Variants in FNDC3B observed in about 807,000 individuals in gnomAD.
FNDC3B encodes fibronectin type III domain-containing protein 3B.
FNDC3B carries 12 observed loss-of-function variants against 151.5 expected under a neutral mutation model. The observed-to-expected ratio is 0.08, with a 90% CI of 0.05 to 0.13. FNDC3B has a LOEUF of 0.13. Ranked by LOEUF, FNDC3B falls within the 10% of genes least tolerant of loss-of-function variation. The probability of loss-of-function intolerance (pLI) is 1.00; values close to 1 mark genes in which losing one functional copy is unlikely to be tolerated. For missense variants in FNDC3B, 1,214 were observed against 1,505.3 expected, an observed-to-expected ratio of 0.81 and a Z score of 3.20; for synonymous variants, 528 against 549.0, an observed-to-expected ratio of 0.96 and a Z score of 0.54.
chr3:172,084,499 A>ACACACACACACACACACACACG (rs1163344403), intron 1 of FNDC3B, among the ~76,000 whole-genome samples: 1 of 151,698 alleles, frequency 6.6e-6, no homozygotes, highest in African/African-American at 2.4e-5. Flanking sequence ...ACACACACAC[A>ACACACACACACACACACACACG]CGTATATTCT....
At chr3:172,274,528 GA>G (rs1003478175) in intron 6 of FNDC3B, among the ~76,000 whole-genome samples, 3 of 35,946 alleles carry the variant, frequency 8.3e-5, no homozygotes, top group African/African-American at 1.3e-4. Flanking sequence ...TAAAATCTCT[GA>G]TTTGCTGAAT....
intron 3 of FNDC3B, among the ~76,000 whole-genome samples, chr3:172,157,905 T>A (rs573862864): frequency 3.3e-5 from 5 of 152,308 alleles, no homozygotes; most frequent in African/African-American, 1.2e-4. Flanking sequence ...TCCAACGTGA[T>A]GGTATTAAGA....
At chr3:172,164,276 T>G (rs1313391838) in intron 3 of FNDC3B, among the ~76,000 whole-genome samples, 3 of 152,260 alleles carry the variant, frequency 2.0e-5, no homozygotes, top group Non-Finnish European at 2.9e-5. Context: ...ACCAACTTGA[T>G]ATGCTACAAG....
chr3:172,247,789 T>A lies in FNDC3B; in HGVS notation c.508+13T>A, dbSNP rs1214978185. 6.2e-7 allele frequency: 1 copy of A among 1,613,916 alleles called. No individual in the cohort carries two copies. The highest frequency in any genetic ancestry group is 8.5e-7 in the Non-Finnish European group (1 of 1,179,912). ...TATGGTGAGCAAGGTGAGTAGATTT[T>A]CGTTGGCGTCAGGAGCCGTTGAAAC... On this transcript the variant is annotated intron_variant, in intron 5 of 25. Coordinates refer to ENST00000415807, the MANE Select transcript of FNDC3B (RefSeq NM_022763.4).
intron 3 of FNDC3B, among the ~76,000 whole-genome samples, chr3:172,224,719 T>C (rs1265843696): frequency 2.7e-5 from 4 of 148,542 alleles, no homozygotes. Flanking sequence ...CCAAATAAAG[T>C]GTTGTATTTC....
intron 2 of FNDC3B, among the ~76,000 whole-genome samples, chr3:172,118,940 G>A (rs542764026): frequency 9.8e-4 from 149 of 151,752 alleles, no homozygotes; most frequent in Non-Finnish European, 1.4e-3. Context: ...AGGCTGAGGC[G>A]GGCGGATCAC....
chr3:172,150,022 T>C (rs1722140163), intron 3 of FNDC3B, among the ~76,000 whole-genome samples: 1 of 151,986 alleles, frequency 6.6e-6, no homozygotes, highest in South Asian at 2.1e-4. Flanking sequence ...TTTCACCATA[T>C]TGGCCAGGCT....
rs1392123440 is a variant in FNDC3B at position 172,040,278 on chromosome 3, C to CG, written c.-29+510dup. ...TTTCCATATGGTGGAGGGAAGAGGG[C>CG]GGGAGTGCGAAGTGGGGCTGGAAGT... On this transcript the variant is annotated intron_variant, in intron 1 of 25. Transcript: ENST00000415807. The surrounding 1 kb of genome is among the most constrained non-coding windows in gnomAD (Gnocchi z 6.6). Among the ~76,000 whole-genome samples the CG allele has an allele frequency of 6.6e-6, 1 of 151,572 alleles. No individual in the cohort carries two copies.
intron 3 of FNDC3B, among the ~76,000 whole-genome samples, chr3:172,190,067 G>A (rs556982042): frequency 3.3e-5 from 5 of 152,192 alleles, no homozygotes; most frequent in East Asian, 1.9e-4. Flanking sequence ...TAACCCAGGC[G>A]GCCTGCTTTC....
chr3:172,112,353 G>A (rs117143928), intron 1 of FNDC3B, 99 bp from the exon 2 acceptor site: 15 of 698,898 alleles, frequency 2.1e-5, no homozygotes, highest in East Asian at 1.6e-4. Context: ...AATAACTTGG[G>A]TTTCACGATG....
intron 4 of FNDC3B, among the ~76,000 whole-genome samples, chr3:172,242,918 C>T (rs1420160007): frequency 6.6e-6 from 1 of 152,176 alleles, no homozygotes; most frequent in African/African-American, 2.4e-5. Flanking sequence ...CCTTTAACAG[C>T]ACCCAGGTCA....
At position 172,117,030 on chromosome 3, in the gene FNDC3B, T is replaced by C. The variant is rs368071937; in HGVS notation, c.111+4440T>C. Among the ~76,000 whole-genome samples, 101 of 152,388 alleles carry C rather than the reference T, an allele frequency of 6.6e-4. 1 individual carries two copies. In the South Asian group the frequency reaches 0.02, roughly 30 times the overall value. On this transcript the variant is annotated intron_variant, in intron 2 of 25. Coordinates refer to ENST00000415807, the MANE Select transcript of FNDC3B (RefSeq NM_022763.4). ...TTCACTTTTTGGCTGTTATGAATAATGCTGCTATGCACAGATTCTTGTGTG... is the reference window on the plus strand; with the variant it reads ...TTCACTTTTTGGCTGTTATGAATAACGCTGCTATGCACAGATTCTTGTGTG...
At chr3:172,314,987 T>A (rs1731706810) in intron 11 of FNDC3B, among the ~76,000 whole-genome samples, 1 of 152,276 alleles carries the variant, frequency 6.6e-6, no homozygotes, top group South Asian at 2.1e-4. Flanking sequence ...GTTAACTGCC[T>A]GTTATTTCTC....
chr3:172,170,479 A>G (rs1723231065), intron 3 of FNDC3B, among the ~76,000 whole-genome samples: 1 of 152,274 alleles, frequency 6.6e-6, no homozygotes, highest in Non-Finnish European at 1.5e-5. Context: ...TTGATTGTAA[A>G]TGAATTATTT....
chr3:172,287,369 A>T (rs773435651), intron 7 of FNDC3B, among the ~76,000 whole-genome samples: 27 of 152,184 alleles, frequency 1.8e-4, no homozygotes, highest in Non-Finnish European at 2.9e-4. Flanking sequence ...AATGTCTGGT[A>T]GGCCGATGCT....
intron 3 of FNDC3B, among the ~76,000 whole-genome samples, chr3:172,218,793 CCT>C (rs1491013549): frequency 6.6e-6 from 1 of 152,156 alleles, no homozygotes; most frequent in Admixed American, 6.5e-5. Context: ...GCCTTCCTGC[CCT>C]GTTTCCTCTC....
rs779480042 is a variant in FNDC3B at position 172,377,468 on chromosome 3, C to T, written c.3009-802C>T. Among the ~76,000 whole-genome samples the T allele has an allele frequency of 1.4e-4, 22 of 152,238 alleles. 1 individual carries two copies. The highest frequency in any genetic ancestry group is 1.0e-3 in the Admixed American group (16 of 15,298). ...CTCAAATATGTTTTTATTGTGAAAA[C>T]GTTGTTTTCAAGACCCTGGGGGAAA... On this transcript the variant is annotated intron_variant, in intron 23 of 25. Coordinates refer to ENST00000415807, the MANE Select transcript of FNDC3B (RefSeq NM_022763.4).
Position 172,181,395 on chromosome 3 carries a change from CAAAAAAAAA to C in FNDC3B, c.188-45465_188-45457del, listed in dbSNP as rs755223783. ...GGGTGCCAGAGTGAGACTCTGTCTCCAAAAAAAAAAAAAAAAAAACAAAAAAAAACACCT... is the reference window on the plus strand; with the variant it reads ...GGGTGCCAGAGTGAGACTCTGTCTCCAAAAAAAAAACAAAAAAAAACACCT... On this transcript the variant is annotated intron_variant, in intron 3 of 25. Coordinates refer to ENST00000415807, the MANE Select transcript of FNDC3B (RefSeq NM_022763.4). Among the ~76,000 whole-genome samples the C allele has an allele frequency of 2.9e-4, 21 of 71,532 alleles. No homozygotes were observed. The South Asian group carries it at 0.011, about 37-fold the overall frequency. The allele number at this position is 71,532 out of a possible 152,430, so 46.9% of individuals were successfully genotyped here.
At chr3:172,133,614 T>C (rs1236242974) in intron 3 of FNDC3B, 68 bp downstream of exon 3, 1 of 1,041,038 alleles carries the variant, frequency 9.6e-7, no homozygotes, top group Non-Finnish European at 1.5e-6. Flanking sequence ...GTAATGTTTT[T>C]CTGTGTGTGT....
Sources: gnomAD v4.1 joint callset for allele counts (sites outside exome capture counted in the v4.1 genomes callset) on GRCh38, gnomAD v4.1.1 for gene constraint, Gnocchi (gnomAD v3.1) non-coding constraint, MANE v1.5 for transcripts, NCBI Gene and HGNC (gene_info 2026-07-23, HGNC 2026-07-21) for gene names.